The following HECW1 variants were observed in gnomAD, a reference collection of about 807,000 sequenced individuals.
HECW1 encodes the protein HECT, C2 and WW domain containing E3 ubiquitin protein ligase 1, also known as E3 ubiquitin-protein ligase HECW1.
HECW1 carries 61 observed loss-of-function variants against 182.3 expected under a neutral mutation model. That is an observed-to-expected ratio of 0.33 (90% CI 0.27 to 0.41). The LOEUF (loss-of-function observed/expected upper bound fraction) is 0.41. Among genes scored for constraint, HECW1 ranks in the 10% least tolerant of loss-of-function variants. The pLI, the probability that HECW1 is intolerant of heterozygous loss-of-function variation, is 1.00. For synonymous variants in HECW1, 859 were observed against 832.6 expected (o/e 1.03, Z -0.55); for missense variants, 1,739 against 2,108.9 (o/e 0.82, Z 3.44).
At chr7:43,459,065 C>G (rs931028273) in intron 13 of HECW1, among the ~76,000 whole-genome samples, 1 of 151,870 alleles carries the variant, frequency 6.6e-6, no homozygotes, top group Non-Finnish European at 1.5e-5. Context: ...GCCACATGCT[C>G]CCATGGCAGG....
At chr7:43,179,201 T>C (rs1339458940) in intron 2 of HECW1, among the ~76,000 whole-genome samples, 1 of 152,206 alleles carries the variant, frequency 6.6e-6, no homozygotes, top group African/African-American at 2.4e-5. Flanking sequence ...CAAACCAAGA[T>C]GCTGGAGAGA....
Position 43,323,503 on chromosome 7 carries a change from C to G in HECW1, c.460+2761C>G, listed in dbSNP as rs187003252. 4.0e-4 allele frequency among the ~76,000 whole-genome samples: 61 copies of G among 152,164 alleles called. No individual in the cohort carries two copies. In the East Asian group the frequency reaches 9.1e-3, roughly 23 times the overall value. On this transcript the variant is annotated intron_variant, in intron 5 of 29. Coordinates refer to ENST00000395891, the MANE Select transcript of HECW1 (RefSeq NM_015052.5). ...TGGGAGGCTGCGGTGGAAGCATCAC[C>G]TGTACCGTGGAAGTTGAGGCTGCAG...
intron 5 of HECW1, among the ~76,000 whole-genome samples, chr7:43,327,696 G>A (rs1810971191): frequency 6.6e-6 from 1 of 152,126 alleles, no homozygotes. Flanking sequence ...GGTAGAGGAA[G>A]GAGCCCAAGC....
intron 2 of HECW1, among the ~76,000 whole-genome samples, chr7:43,232,626 C>T (rs536279576): frequency 2.6e-5 from 4 of 152,182 alleles, no homozygotes; most frequent in East Asian, 1.9e-4. Context: ...GATGTTCTTG[C>T]GGGAAAAGGG....
At chr7:43,210,450 A>AGT (rs57987187) in intron 2 of HECW1, among the ~76,000 whole-genome samples, 47,243 of 145,286 alleles carry the variant, frequency 0.33, 7,564 homozygotes, top group African/African-American at 0.37. Context: ...AGTAGAAGTG[A>AGT]GTGTGTGTGT....
At chr7:43,191,520 C>T (rs750481152) in intron 2 of HECW1, among the ~76,000 whole-genome samples, 1 of 152,218 alleles carries the variant, frequency 6.6e-6, no homozygotes. Flanking sequence ...TCTATCCATC[C>T]TTTTCTAGCT....
intron 2 of HECW1, among the ~76,000 whole-genome samples, chr7:43,160,356 GTGT>G (rs1790402708): frequency 6.6e-6 from 1 of 151,966 alleles, no homozygotes; most frequent in South Asian, 2.1e-4. Context: ...TGCTTCACTT[GTGT>G]TGTTGTGGTT....
At chr7:43,211,436 G>A (rs1583991172) in intron 2 of HECW1, among the ~76,000 whole-genome samples, 1 of 152,102 alleles carries the variant, frequency 6.6e-6, no homozygotes, top group African/African-American at 2.4e-5. Flanking sequence ...CCCTGTGGAC[G>A]CTAGGGATGC....
At chr7:43,378,418 A>G (rs1016010580) in intron 6 of HECW1, among the ~76,000 whole-genome samples, 1 of 152,254 alleles carries the variant, frequency 6.6e-6, no homozygotes, top group Non-Finnish European at 1.5e-5. Context: ...TAGAACAATC[A>G]TGTGGTTTAT....
intron 2 of HECW1, among the ~76,000 whole-genome samples, chr7:43,126,874 G>A (rs901415621): frequency 2.0e-5 from 3 of 152,122 alleles, no homozygotes; most frequent in African/African-American, 7.2e-5. Flanking sequence ...ATAACATGGC[G>A]AACTCAATCA....
intron 26 of HECW1, among the ~76,000 whole-genome samples, chr7:43,543,885 T>G (rs769894437): frequency 6.6e-6 from 1 of 152,164 alleles, no homozygotes; most frequent in Non-Finnish European, 1.5e-5. Context: ...CATGACTACT[T>G]TTAGCCCATC....
chr7:43,358,846 A>G (rs35572177), intron 5 of HECW1, among the ~76,000 whole-genome samples: 4,072 of 115,834 alleles, frequency 0.035, 72 homozygotes, highest in Middle Eastern at 0.07. Context: ...TTTTTTTGAG[A>G]CTGAGTCTTG....
intron 2 of HECW1, chr7:43,241,353 G>A (rs1798857484): frequency 6.6e-6 from 1 of 152,144 alleles, no homozygotes; most frequent in African/African-American, 2.4e-5. Context: ...TTGGTGGGGT[G>A]GGGTAAGCTT....
At position 43,163,756 on chromosome 7, in the gene HECW1, C is replaced by G. The variant is rs577213119; in HGVS notation, c.-32+49365C>G. 2.6e-5 allele frequency among the ~76,000 whole-genome samples: 4 copies of G among 152,244 alleles called. 1 individual carries two copies. The South Asian group carries it at 8.3e-4, about 32-fold the overall frequency. On this transcript the variant is annotated intron_variant, in intron 2 of 29. Coordinates refer to ENST00000395891, the MANE Select transcript of HECW1 (RefSeq NM_015052.5). ...TTCCCTCCTTGCCTGCTACATGTGG[C>G]TGCCAGGAACCCTCACATCTTGGGT...
chr7:43,487,764 C>T (rs1472756703), intron 17 of HECW1, among the ~76,000 whole-genome samples: 2 of 151,970 alleles, frequency 1.3e-5, no homozygotes, highest in East Asian at 3.9e-4. Context: ...CAAGACCAGC[C>T]TAGGCAACAT....
chr7:43,321,007 G>T (rs1810045095), intron 5 of HECW1, among the ~76,000 whole-genome samples: 1 of 152,162 alleles, frequency 6.6e-6, no homozygotes, highest in Non-Finnish European at 1.5e-5. Context: ...CTCTGGACTT[G>T]GGACCCTTTG....
chr7:43,507,559 A>C (rs2152927838), intron 22 of HECW1, among the ~76,000 whole-genome samples: 1 of 152,340 alleles, frequency 6.6e-6, no homozygotes, highest in South Asian at 2.1e-4. Context: ...AGAAATCTTG[A>C]ACTAAATAAA....
chr7:43,551,674 T>G (rs1262924355), intron 27 of HECW1, among the ~76,000 whole-genome samples: 1 of 152,198 alleles, frequency 6.6e-6, no homozygotes, highest in Non-Finnish European at 1.5e-5. Flanking sequence ...TGCGATTCTT[T>G]TTTCTGTTCC....
At chr7:43,393,213 A>T (rs950433628) in intron 6 of HECW1, among the ~76,000 whole-genome samples, 82 of 152,152 alleles carry the variant, frequency 5.4e-4, no homozygotes, top group African/African-American at 1.8e-3. Flanking sequence ...AGCACCAAGC[A>T]GTTAGAATGG....
Sources: gnomAD v4.1 joint callset for allele counts (sites outside exome capture counted in the v4.1 genomes callset) on GRCh38, gnomAD v4.1.1 for gene constraint, MANE v1.5 for transcripts, NCBI Gene and HGNC (gene_info 2026-07-23, HGNC 2026-07-21) for gene names.